The following TRPV4 variants were observed in gnomAD, a reference collection of about 807,000 sequenced individuals.
The protein encoded by TRPV4 is transient receptor potential cation channel subfamily V member 4.
In TRPV4, 58 loss-of-function variants were observed where a neutral mutation model predicts 84.1. The ratio of observed to expected loss-of-function variants is 0.69; its 90% confidence interval spans 0.56 to 0.86. The LOEUF is 0.86. Among genes scored for constraint, TRPV4 ranks in the 40% least tolerant of loss-of-function variants. The probability of loss-of-function intolerance (pLI) is 0.00; values close to 1 mark genes in which losing one functional copy is unlikely to be tolerated. For synonymous variants in TRPV4, 489 were observed against 500.9 expected, an observed-to-expected ratio of 0.98 and a Z score of 0.32; for missense variants, 879 against 1,181.1, an observed-to-expected ratio of 0.74 and a Z score of 3.75.
chr12:109,786,571 A>G lies in TRPV4; in HGVS notation c.2336+139T>C. 8.9e-7 allele frequency: 1 copy of G among 1,128,994 alleles called. No individual in the cohort carries two copies. The highest frequency in any genetic ancestry group is 1.3e-6 in the Non-Finnish European group (1 of 785,262). 69.9% of individuals were successfully genotyped at this position (1,128,994 alleles called of 1,614,324 possible). A position where few individuals can be genotyped will look rare whatever the true frequency, so the allele number is the denominator to read the frequency against. On this transcript the variant is annotated intron_variant, in intron 14 of 15. Transcript: ENST00000261740. This position sits in a 1 kb window ranked among gnomAD's most constrained non-coding sequence, Gnocchi z 4.5. ...TGACTTGCCTGAGATCGCCTGGTGG[A>G]AATGAACTCTGCTCGGGCCTCTTGG...
intron 2 of TRPV4, 103 bp from the exon 3 acceptor site, chr12:109,808,571 T>G: frequency 8.6e-7 from 1 of 1,157,222 alleles, no homozygotes; most frequent in Non-Finnish European, 1.2e-6. Context: ...GGCAGGCAGC[T>G]GAAGCCTTAC....
chr12:109,784,952 A>C (rs1468972496), intron 14 of TRPV4, among the ~76,000 whole-genome samples: 1 of 151,830 alleles, frequency 6.6e-6, no homozygotes, highest in Non-Finnish European at 1.5e-5. Context: ...GGCATTAAGC[A>C]CATCCACATT....
At position 109,783,390 on chromosome 12, in the gene TRPV4, G is replaced by A; in HGVS notation, c.*231C>T. 1 of 535,640 alleles carries A rather than the reference G, an allele frequency of 1.9e-6. No individual in the cohort carries two copies. Among genetic ancestry groups the A allele is most frequent in the Admixed American group, 3.4e-5 (1 of 29,304 alleles). The allele number at this position is 535,640 out of a possible 1,614,324, so 33.2% of individuals were successfully genotyped here. A position where few individuals can be genotyped will look rare whatever the true frequency, so the allele number is the denominator to read the frequency against. ...TGGGGCCTGAGGTGGAGGGGCTCTG[G>A]CGTTGGCTTATGTGACTCCATAGGA... On this transcript the variant is annotated 3_prime_UTR_variant, in exon 16 of 16. Coordinates refer to ENST00000261740, the MANE Select transcript of TRPV4 (RefSeq NM_021625.5). The surrounding 1 kb of genome is among the most constrained non-coding windows in gnomAD (Gnocchi z 4.6).
rs768721947 is a variant in TRPV4, at chr12:109,814,466, C to T, written c.331G>A (p.Gly111Ser). Residue 111 changes from glycine to serine, a missense_variant, in exon 2 of 16, where the codon GGC becomes AGC. By Grantham distance (56) the Gly-to-Ser change is moderately conservative (BLOSUM62 0). This residue lies in a region of TRPV4 where 521 missense variants were observed against 686.6 expected (regional missense o/e 0.76). Coordinates refer to ENST00000261740, the MANE Select transcript of TRPV4 (RefSeq NM_021625.5). This position sits in a 1 kb window ranked among gnomAD's most constrained non-coding sequence, Gnocchi z 5.4. Reference sequence around the variant, plus strand: ...TCACTGGAGTGGTGACGATAGGTGCCGTAGTCAAACAGTGAGTCCATGGGT... The same window carrying T: ...TCACTGGAGTGGTGACGATAGGTGCTGTAGTCAAACAGTGAGTCCATGGGT... The part of the protein sequence containing the change: ...KAPMDSLFDY[G>S]TYRHHSSDNK... 11 of 1,614,000 alleles carry T rather than the reference C, an allele frequency of 6.8e-6. No individual in the cohort carries two copies. Among genetic ancestry groups the T allele is most frequent in the Admixed American group, 3.3e-5 (2 of 59,992 alleles).
chr12:109,797,003 C>T (rs1245928058), intron 6 of TRPV4, among the ~76,000 whole-genome samples: 1 of 152,168 alleles, frequency 6.6e-6, no homozygotes, highest in Non-Finnish European at 1.5e-5. Flanking sequence ...GTTAAAATAG[C>T]AATGAATCCA....
intron 2 of TRPV4, among the ~76,000 whole-genome samples, chr12:109,809,638 T>G (rs1301581068): frequency 1.1e-4 from 12 of 112,790 alleles, no homozygotes; most frequent in African/African-American, 3.3e-4. Context: ...TCCATCTGCC[T>G]ATCCACCCAC....
Position 109,793,818 on chromosome 12 carries a change from AAGG to A in TRPV4, c.1584+109_1584+111del. The A allele has an allele frequency of 1.1e-6, 1 of 908,872 alleles. No individual in the cohort carries two copies. Among genetic ancestry groups the A allele is most frequent in the Non-Finnish European group, 1.8e-6 (1 of 561,128 alleles). 56.3% of individuals were successfully genotyped at this position (908,872 alleles called of 1,614,324 possible). A position where few individuals can be genotyped will look rare whatever the true frequency, so the allele number is the denominator to read the frequency against. On this transcript the variant is annotated intron_variant, in intron 9 of 15. Coordinates refer to ENST00000261740, the MANE Select transcript of TRPV4 (RefSeq NM_021625.5). This position sits in a 1 kb window ranked among gnomAD's most constrained non-coding sequence, Gnocchi z 4.0. ...AATGGGAAAATAAAAGGAGGAAGGA[AAGG>A]AGAAGGACCATTTGGAGGAGAGAGA...
intron 4 of TRPV4, among the ~76,000 whole-genome samples, chr12:109,802,614 ATT>A (rs34679148): frequency 1.9e-5 from 2 of 103,540 alleles, no homozygotes; most frequent in African/African-American, 5.1e-5. Flanking sequence ...CTTTTATTTT[ATT>A]TTTTTTTTTT....
chr12:109,823,684 G>GTCCT lies in TRPV4; in HGVS notation c.-31-8861_-31-8858dup, dbSNP rs151076831. On this transcript the variant is annotated intron_variant, in intron 1 of 15. Transcript: ENST00000261740. Reference sequence around the variant, plus strand: ...AGTGGTGACTGCTAATGGGTACAGAGTCCTTTTTTGGGGTGATGAAAATGT... The same window carrying GTCCT: ...AGTGGTGACTGCTAATGGGTACAGAGTCCTTCCTTTTTTGGGGTGATGAAAATGT... Among the ~76,000 whole-genome samples the GTCCT allele has an allele frequency of 8.9e-3, 1,358 of 152,284 alleles. 15 individuals are homozygous for GTCCT. The highest frequency in any genetic ancestry group is 0.031 in the African/African-American group (1,301 of 41,534).
rs1889664214 is a variant in TRPV4, at chr12:109,786,031, T to C, written c.2336+679A>G. Among the ~76,000 whole-genome samples the C allele has an allele frequency of 6.6e-6, 1 of 152,084 alleles. No homozygotes were observed. Among genetic ancestry groups the C allele is most frequent in the African/African-American group, 2.4e-5 (1 of 41,430 alleles). On this transcript the variant is annotated intron_variant, in intron 14 of 15. Coordinates refer to ENST00000261740, the MANE Select transcript of TRPV4 (RefSeq NM_021625.5). This position sits in a 1 kb window ranked among gnomAD's most constrained non-coding sequence, Gnocchi z 4.5. The stretch of plus-strand genomic sequence containing the variant: ...AAACAAACAAAAAATGGAATTGAAC[T>C]GATCGGATGGCCTAGGAGGTGGGTT...
intron 13 of TRPV4, 51 bp downstream of exon 13, chr12:109,788,349 G>C: frequency 6.4e-7 from 1 of 1,573,128 alleles, no homozygotes; most frequent in Non-Finnish European, 8.6e-7. Context: ...GGGTCTCCTC[G>C]GAAGGACGAG....
intron 11 of TRPV4, 51 bp from the exon 12 acceptor site, chr12:109,792,480 C>T (rs1348852799): frequency 6.2e-7 from 1 of 1,602,640 alleles, no homozygotes. Flanking sequence ...CATGGTTTCT[C>T]ACTTTCCCCA....
intron 2 of TRPV4, among the ~76,000 whole-genome samples, chr12:109,812,782 A>G (rs16939725): frequency 0.056 from 8,543 of 152,322 alleles, 376 homozygotes; most frequent in African/African-American, 0.12. Context: ...GTAGGTGAGA[A>G]GATGAAATGA....
At chr12:109,821,246 C>T (rs987794896) in intron 1 of TRPV4, among the ~76,000 whole-genome samples, 4 of 152,240 alleles carry the variant, frequency 2.6e-5, no homozygotes, top group Admixed American at 1.3e-4. Context: ...GGCATCAATG[C>T]AGTGGCACCT....
chr12:109,806,596 T>C (rs1413034911), intron 3 of TRPV4, among the ~76,000 whole-genome samples: 1 of 151,374 alleles, frequency 6.6e-6, no homozygotes, highest in Non-Finnish European at 1.5e-5. Context: ...GGCTCATGCC[T>C]GTAATCCCAG....
intron 4 of TRPV4, among the ~76,000 whole-genome samples, chr12:109,802,777 G>A (rs1019127229): frequency 5.3e-5 from 8 of 151,982 alleles, no homozygotes; most frequent in Non-Finnish European, 1.2e-4. Context: ...TCTGAAACTC[G>A]AAACAAAGTT....
In TRPV4 at chr12:109,792,703, G is replaced by A. The variant is rs1890123640; in HGVS notation, c.1773C>T (p.Tyr591=). 11 of 1,614,206 alleles carry A rather than the reference G, an allele frequency of 6.8e-6. No individual in the cohort carries two copies. Among genetic ancestry groups the A allele is most frequent in the Non-Finnish European group, 8.5e-6 (10 of 1,180,050 alleles). Residue 591 remains tyrosine (Y), a synonymous_variant, in exon 11 of 16, where the codon TAC becomes TAT. Transcript: ENST00000261740. ...ALVLGWMNAL[Y]FTRGLKLTGT... is the part of the protein sequence containing the mutation. Reference sequence around the variant, plus strand: ...CCGTCAGCTTCAGCCCACGGGTGAAGTAAAGGGCATTCATCCAGCCCAGGA... The same window carrying A: ...CCGTCAGCTTCAGCCCACGGGTGAAATAAAGGGCATTCATCCAGCCCAGGA...
rs760555970 is a variant in TRPV4 at position 109,808,288 on chromosome 12, T to C, written c.559+8A>G. On this transcript the variant is annotated splice_region_variant and intron_variant, in intron 3 of 15. Transcript: ENST00000261740. ...GTCCCACTGGCTATGCCCATCTGGG[T>C]GGCTCACCTCGAAACTCCTCATCAG... 1.9e-6 allele frequency: 3 copies of C among 1,613,882 alleles called. No homozygotes were observed. The South Asian group carries it at 3.3e-5, about 18-fold the overall frequency.
At chr12:109,804,717 A>T (rs890037679) in intron 3 of TRPV4, among the ~76,000 whole-genome samples, 2 of 152,268 alleles carry the variant, frequency 1.3e-5, no homozygotes, top group Admixed American at 1.3e-4. Flanking sequence ...CCTGGCGCCC[A>T]GCTCAGAGGC....
Sources: gnomAD v4.1 joint callset for allele counts (sites outside exome capture counted in the v4.1 genomes callset) on GRCh38, gnomAD v4.1.1 for gene constraint, gnomAD v4.1.1 regional missense constraint, Gnocchi (gnomAD v3.1) non-coding constraint, MANE v1.5 for transcripts, NCBI Gene and HGNC (gene_info 2026-07-23, HGNC 2026-07-21) for gene names.